Variants in GFI1B observed in about 807,000 individuals in gnomAD.
GFI1B encodes zinc finger protein Gfi-1b.
A neutral mutation model predicts 35.3 loss-of-function variants in GFI1B; 20 were observed. That is an observed-to-expected ratio of 0.57 (90% CI 0.40 to 0.82). The LOEUF (loss-of-function observed/expected upper bound fraction) is 0.82, where lower values mean the gene tolerates loss of function less well. GFI1B is among the 40% of genes least tolerant of loss of function. GFI1B has a pLI of 0.00. For synonymous variants in GFI1B, 178 were observed against 177.6 expected (o/e 1.00, Z -0.02); for missense variants, 430 against 446.3 (o/e 0.96, Z 0.33).
intron 1 of GFI1B, among the ~76,000 whole-genome samples, chr9:132,971,852 T>C (rs1207666459): frequency 1.3e-5 from 2 of 151,686 alleles, no homozygotes; most frequent in Non-Finnish European, 2.9e-5. Flanking sequence ...CACGTGCCTG[T>C]AATCCCAGCT....
At chr9:132,968,290 A>G (rs558071432) in intron 1 of GFI1B, among the ~76,000 whole-genome samples, 25 of 148,620 alleles carry the variant, frequency 1.7e-4, no homozygotes, top group Middle Eastern at 3.6e-3. Context: ...ATTAAAGAAA[A>G]ATTTTTTTTT....
chr9:132,960,769 T>G (rs1848349853), intron 1 of GFI1B, among the ~76,000 whole-genome samples: 1 of 151,830 alleles, frequency 6.6e-6, no homozygotes, highest in South Asian at 2.1e-4. Flanking sequence ...CCCAAAACAT[T>G]AGGGTTACAA....
chr9:132,975,355 C>G (rs146958503), upstream of GFI1B, among the ~76,000 whole-genome samples: 665 of 152,320 alleles, frequency 4.4e-3, 4 homozygotes, highest in African/African-American at 0.015. Context: ...TGGCTGCTGT[C>G]AGCTCCCTTC....
At chr9:132,955,649 G>C (rs1392469589) in intron 1 of GFI1B, among the ~76,000 whole-genome samples, 1 of 152,104 alleles carries the variant, frequency 6.6e-6, no homozygotes, top group Admixed American at 6.6e-5. Flanking sequence ...AATTTCTGAG[G>C]AGAAATTTAT....
chr9:132,961,773 A>C (rs1459738460), intron 1 of GFI1B, among the ~76,000 whole-genome samples: 1 of 151,784 alleles, frequency 6.6e-6, no homozygotes, highest in Non-Finnish European at 1.5e-5. Context: ...TTGTGTTTTT[A>C]ATAGAGACAG....
Position 132,989,771 on chromosome 9 carries a change from C to G in GFI1B, c.678C>G (p.Gly226=), listed in dbSNP as rs1849221060. The G allele has an allele frequency of 1.2e-6, 2 of 1,614,012 alleles. No individual in the cohort carries two copies. The highest frequency in any genetic ancestry group is 1.7e-6 in the Non-Finnish European group (2 of 1,179,940). Residue 226 remains glycine, a synonymous_variant, in exon 6 of 7, where the codon GGC becomes GGG. Coordinates refer to ENST00000372122, the MANE Select transcript of GFI1B (RefSeq NM_001377304.1). This position sits in a 1 kb window ranked among gnomAD's most constrained non-coding sequence, Gnocchi z 6.2. The stretch of plus-strand genomic sequence containing the variant: ...GCAGCTTCGAGTGCCGCATGTGCGG[C>G]AAGGCCTTCAAGCGCTCGTCCACGC... ...QERSFECRMC[G]KAFKRSSTLS...
In GFI1B at chr9:132,957,380, T is replaced by C. The variant is rs75457648; in HGVS notation, c.-701+11711T>C. Among the ~76,000 whole-genome samples the C allele has an allele frequency of 9.8e-4, 150 of 152,366 alleles. 2 individuals carry two copies. The East Asian group carries it at 0.026, about 26-fold the overall frequency. On this transcript the variant is annotated intron_variant, in intron 1 of 10. Transcript: ENST00000339463. ...ATGTAGCAGCTATGAGGAGTTGCTA[T>C]GAGACCATATTGTTCTAAGCACTCT... is the stretch of plus-strand genomic sequence containing the variant.
chr9:132,945,535 G>A (rs1848056205), upstream of GFI1B: 1 of 153,716 alleles, frequency 6.5e-6, no homozygotes, highest in African/African-American at 2.4e-5. Flanking sequence ...TCACTCACTA[G>A]ATAGGTGGCC....
upstream of GFI1B, among the ~76,000 whole-genome samples, chr9:132,974,287 T>C (rs922424716): frequency 6.6e-6 from 1 of 152,016 alleles, no homozygotes; most frequent in African/African-American, 2.4e-5. Context: ...GTTAGAGCAA[T>C]AAATAAATGA....
At chr9:132,947,809 C>CAAA (rs58406908) in intron 1 of GFI1B, among the ~76,000 whole-genome samples, 4 of 86,122 alleles carry the variant, frequency 4.6e-5, no homozygotes, top group Admixed American at 3.4e-4. Flanking sequence ...ACTTGGTCTC[C>CAAA]AAAAAAAAAA....
At chr9:132,970,561 G>T (rs998330477) in intron 1 of GFI1B, among the ~76,000 whole-genome samples, 2 of 152,190 alleles carry the variant, frequency 1.3e-5, no homozygotes, top group Admixed American at 1.3e-4. Flanking sequence ...AGGTTGGCCA[G>T]GGGGGTGTGT....
At chr9:132,973,583 G>T (rs7027835) in intron 2 of GFI1B, among the ~76,000 whole-genome samples, 24,861 of 152,184 alleles carry the variant, frequency 0.16, 2,123 homozygotes, top group East Asian at 0.2. Flanking sequence ...GTAGACAACA[G>T]ATGACTCCCT....
chr9:132,975,428 T>C (rs1025453459), upstream of GFI1B, among the ~76,000 whole-genome samples: 1 of 152,072 alleles, frequency 6.6e-6, no homozygotes, highest in Non-Finnish European at 1.5e-5. Flanking sequence ...CTACCTTCCT[T>C]CTCCCAACTA....
In GFI1B at chr9:132,955,808, A is replaced by G. The variant is rs58027237; in HGVS notation, c.-701+10139A>G. ...CAACGTGATGTGTGTGTGTGTGTGC[A>G]TGTGTGTGTGTGTGTGTGTGTGTGT... On this transcript the variant is annotated intron_variant, in intron 1 of 10. Transcript: ENST00000339463. 3.8e-3 allele frequency among the ~76,000 whole-genome samples: 553 copies of G among 146,550 alleles called. 5 individuals are homozygous for G. The highest frequency in any genetic ancestry group is 0.012 in the African/African-American group (483 of 39,594).
At chr9:132,947,424 AAAAAAAG>A (rs71376674) in intron 1 of GFI1B, among the ~76,000 whole-genome samples, 12,487 of 148,304 alleles carry the variant, frequency 0.084, 561 homozygotes, top group Admixed American at 0.12. Context: ...AAAAAAAAAA[AAAAAAAG>A]AAAGAAAAAG....
At position 132,956,010 on chromosome 9, in the gene GFI1B, A is replaced by C. The variant is rs182597552; in HGVS notation, c.-701+10341A>C. On this transcript the variant is annotated intron_variant, in intron 1 of 10. Transcript: ENST00000339463. The stretch of plus-strand genomic sequence containing the variant: ...AGTCTTTTGATCTACTCAGGCCTTG[A>C]ATTGATTGGATGAGGCCCACCCACA... Among the ~76,000 whole-genome samples, 665 of 152,266 alleles carry C rather than the reference A, an allele frequency of 4.4e-3. 5 individuals are homozygous for C. The highest frequency in any genetic ancestry group is 0.015 in the African/African-American group (632 of 41,544).
At chr9:132,985,757 C>T (rs1168821536) in intron 1 of GFI1B, among the ~76,000 whole-genome samples, 1 of 152,208 alleles carries the variant, frequency 6.6e-6, no homozygotes, top group African/African-American at 2.4e-5. Flanking sequence ...AGGGGATAGG[C>T]CCAGAGAGGT....
At chr9:132,945,985 A>G (rs11243940) in intron 1 of GFI1B, among the ~76,000 whole-genome samples, 33,141 of 152,024 alleles carry the variant, frequency 0.22, 3,753 homozygotes, top group African/African-American at 0.23. Flanking sequence ...AATTCTGAAA[A>G]GGCCCTGGAT....
At chr9:132,957,672 A>G (rs1007897095) in intron 1 of GFI1B, among the ~76,000 whole-genome samples, 18 of 152,098 alleles carry the variant, frequency 1.2e-4, no homozygotes, top group African/African-American at 3.6e-4. Flanking sequence ...CACCCAGACC[A>G]TTTTTGTCGG....
Sources: allele counts gnomAD v4.1 joint callset (sites outside exome capture counted in the v4.1 genomes callset), GRCh38; gene constraint gnomAD v4.1.1; non-coding constraint Gnocchi (gnomAD v3.1); transcripts MANE v1.5; gene names NCBI Gene and HGNC (gene_info 2026-07-23, HGNC 2026-07-21).